Variants in SNX16 observed in about 807,000 individuals in gnomAD.
SNX16 encodes the protein sorting nexin-16.
In SNX16, 35 loss-of-function variants were observed where a neutral mutation model predicts 36.7. That is an observed-to-expected ratio of 0.95 (90% CI 0.73 to 1.27). The LOEUF (loss-of-function observed/expected upper bound fraction) is 1.27, where lower values mean the gene tolerates loss of function less well. Among genes scored for constraint, SNX16 ranks in the 50% most tolerant of loss-of-function variants. The pLI is 0.00. For missense variants in SNX16, 367 were observed against 393.6 expected (o/e 0.93, Z 0.57); for synonymous variants, 134 against 132.0 (o/e 1.02, Z -0.10).
chr8:81,821,125 T>C (rs1810723006), intron 4 of SNX16, among the ~76,000 whole-genome samples: 3 of 150,260 alleles, frequency 2.0e-5, no homozygotes, highest in South Asian at 2.1e-4. Flanking sequence ...TACTAGATTC[T>C]TTCATGCAAG....
In SNX16 at chr8:81,815,381, C is replaced by A; in HGVS notation, c.625G>T (p.Glu209Ter). The A allele has an allele frequency of 6.2e-7, 1 of 1,611,932 alleles. No homozygotes were observed. The highest frequency in any genetic ancestry group is 1.1e-5 in the South Asian group (1 of 90,960). Residue 209 changes from glutamate to a stop codon, truncating the protein, a stop_gained, in exon 5 of 8, where the codon GAA (glutamate) becomes TAA (stop). Transcript: ENST00000345957. LOFTEE classifies it high-confidence loss of function. ...GGTGGATCATCCAAACAAAGAAATTCTCTCACTGCAAGGCTTTTCAAAGGA... is the reference window on the plus strand; with the variant it reads ...GGTGGATCATCCAAACAAAGAAATTATCTCACTGCAAGGCTTTTCAAAGGA... The part of the protein sequence containing the change: ...KDIANCLAVR[E>*]FLCLDDPPGP...
At chr8:81,831,440 C>T (rs1811261786) in intron 2 of SNX16, among the ~76,000 whole-genome samples, 1 of 152,096 alleles carries the variant, frequency 6.6e-6, no homozygotes, top group Admixed American at 6.6e-5. Flanking sequence ...ATGCCTGTAT[C>T]TCAGCTCTTT....
intron 3 of SNX16, among the ~76,000 whole-genome samples, chr8:81,826,786 T>C (rs1186658958): frequency 6.6e-6 from 1 of 152,244 alleles, no homozygotes; most frequent in Non-Finnish European, 1.5e-5. Context: ...ATAATTTTTG[T>C]ATTGCCAATT....
At chr8:81,827,884 T>C (rs892189674) in intron 3 of SNX16, among the ~76,000 whole-genome samples, 7 of 152,104 alleles carry the variant, frequency 4.6e-5, no homozygotes, top group African/African-American at 9.7e-5. Context: ...TGGAGAGTAA[T>C]TTCTGCATGT....
intron 7 of SNX16, 102 bp from the exon 8 acceptor site, chr8:81,801,695 A>AGAGG: frequency 1.5e-6 from 1 of 649,264 alleles, no homozygotes. Context: ...CCTTATAGAA[A>AGAGG]ATTTACATAC....
In SNX16 at chr8:81,839,907, C is replaced by G. The variant is rs142163451; in HGVS notation, c.80G>C (p.Ser27Thr). 1.2e-5 allele frequency: 19 copies of G among 1,613,936 alleles called. No homozygotes were observed. In the African/African-American group the frequency reaches 2.3e-4, roughly 19 times the overall value. ...TGTTGAGACACTGCCAAAAGAAGAA[C>G]TTCTTTGATTTCTGTTTGTTGTAAA... Reference protein sequence around the residue: ...SSFTTNRNQRSSSFGSVSTSS... With the variant: ...SSFTTNRNQRTSSFGSVSTSS... The change falls in exon 2 of 8, where the codon AGT (serine) becomes ACT (threonine). Residue 27 changes from serine to threonine, a missense_variant. Coordinates refer to ENST00000345957, the MANE Select transcript of SNX16 (RefSeq NM_152836.3).
At chr8:81,804,973 C>CA (rs900179990) in intron 5 of SNX16, among the ~76,000 whole-genome samples, 1 of 151,310 alleles carries the variant, frequency 6.6e-6, no homozygotes, top group Non-Finnish European at 1.5e-5. Flanking sequence ...ACGGATTAAA[C>CA]AAAAAAATGA....
intron 6 of SNX16, 102 bp downstream of exon 6, chr8:81,802,990 G>T: frequency 2.7e-6 from 3 of 1,090,976 alleles, no homozygotes; most frequent in Admixed American, 3.0e-5. Context: ...ACAACTTTCA[G>T]AATCAGAAAA....
intron 4 of SNX16, among the ~76,000 whole-genome samples, chr8:81,822,401 G>A (rs570781284): frequency 6.6e-6 from 1 of 152,108 alleles, no homozygotes; most frequent in East Asian, 1.9e-4. Context: ...AGGTGGGCAG[G>A]AATAACAAAA....
chr8:81,805,903 A>C (rs1303036277), intron 5 of SNX16, among the ~76,000 whole-genome samples: 1 of 152,152 alleles, frequency 6.6e-6, no homozygotes, highest in African/African-American at 2.4e-5. Context: ...CCTGGGCCAC[A>C]GAGCAAGACT....
intron 7 of SNX16, among the ~76,000 whole-genome samples, 197 bp from the exon 8 acceptor site, chr8:81,801,790 C>T (rs1809709411): frequency 6.6e-6 from 1 of 151,496 alleles, no homozygotes; most frequent in South Asian, 2.1e-4. Flanking sequence ...CAAGTAAGAC[C>T]TTTGGAGATA....
Position 81,801,460 on chromosome 8 carries a change from T to G in SNX16, c.*37A>C. ...TAGTATTTGCCACTCTTCTAAATTT[T>G]TGAATAGTCTAAATGGAGGGAACTG... On this transcript the variant is annotated 3_prime_UTR_variant, in exon 8 of 8. Transcript: ENST00000345957. 1 of 1,270,624 alleles carries G rather than the reference T, an allele frequency of 7.9e-7. No individual in the cohort carries two copies. Among genetic ancestry groups the G allele is most frequent in the Non-Finnish European group, 1.1e-6 (1 of 908,464 alleles). The allele number at this position is 1,270,624 out of a possible 1,614,324, so 78.7% of individuals were successfully genotyped here.
Position 81,816,905 on chromosome 8 carries a change from A to G in SNX16, c.612-1511T>C, listed in dbSNP as rs567809450. Among the ~76,000 whole-genome samples the G allele has an allele frequency of 1.1e-4, 17 of 152,302 alleles. No individual in the cohort carries two copies. The South Asian group carries it at 3.3e-3, about 30-fold the overall frequency. On this transcript the variant is annotated intron_variant, in intron 4 of 7. Coordinates refer to ENST00000345957, the MANE Select transcript of SNX16 (RefSeq NM_152836.3). ...TTGCTGGACACTTCTCTCTGAAAAC[A>G]TCTGATTTATCTGCAACCCTCTCTA...
At chr8:81,805,204 CAA>C (rs1341687285) in intron 5 of SNX16, among the ~76,000 whole-genome samples, 12 of 151,434 alleles carry the variant, frequency 7.9e-5, no homozygotes, top group African/African-American at 2.7e-4. Context: ...GAAAAAAATG[CAA>C]ATAGACTAAA....
chr8:81,829,110 G>T (rs1201023401), intron 3 of SNX16, among the ~76,000 whole-genome samples: 7 of 152,018 alleles, frequency 4.6e-5, no homozygotes, highest in African/African-American at 2.4e-5. Context: ...TTATTATGCA[G>T]TAATAGGAAA....
intron 3 of SNX16, among the ~76,000 whole-genome samples, chr8:81,826,750 T>A (rs1811038058): frequency 2.0e-5 from 3 of 152,240 alleles, no homozygotes; most frequent in Non-Finnish European, 2.9e-5. Flanking sequence ...GTTCTCTTTC[T>A]AAGCAGTGTT....
At position 81,801,578 on chromosome 8, in the gene SNX16, T is replaced by C. The variant is rs145506603; in HGVS notation, c.954A>G (p.Pro318=). The C allele has an allele frequency of 1.1e-5, 17 of 1,567,094 alleles. No homozygotes were observed. The African/African-American group carries it at 1.7e-4, about 15-fold the overall frequency. ...LDEESRADNK[P]CLSFSEPENA... is the part of the protein sequence containing the mutation. ...TTTCAGGTTCACTAAAACTTAAGCA[T>C]GGTTTATTATCAGCTCTGCAAAAAA... The change falls in exon 8 of 8, where the codon CCA becomes CCG. Residue 318 remains proline, a synonymous_variant. Coordinates refer to ENST00000345957, the MANE Select transcript of SNX16 (RefSeq NM_152836.3).
intron 3 of SNX16, among the ~76,000 whole-genome samples, chr8:81,826,214 C>A (rs919420507): frequency 3.9e-5 from 6 of 152,090 alleles, no homozygotes; most frequent in Admixed American, 1.3e-4. Context: ...GAGGGCAGAT[C>A]AGTTTAGGAG....
chr8:81,838,185 G>GT (rs1447027654), intron 2 of SNX16, among the ~76,000 whole-genome samples: 1 of 152,102 alleles, frequency 6.6e-6, no homozygotes, highest in East Asian at 1.9e-4. Flanking sequence ...ACCAACAGAT[G>GT]TAAGAACCCT....
Sources: gnomAD v4.1 joint callset for allele counts (sites outside exome capture counted in the v4.1 genomes callset) on GRCh38, gnomAD v4.1.1 for gene constraint, MANE v1.5 for transcripts, NCBI Gene and HGNC (gene_info 2026-07-23, HGNC 2026-07-21) for gene names.